PHAX: variants seen among roughly 807,000 people sequenced by gnomAD.
PHAX encodes phosphorylated adapter RNA export protein.
Under a neutral mutation model 41.6 loss-of-function variants are expected in PHAX, and 31 were observed. The ratio of observed to expected loss-of-function variants is 0.75; its 90% CI spans 0.56 to 1.01. The LOEUF (loss-of-function observed/expected upper bound fraction) is 1.01, where lower values mean the gene tolerates loss of function less well. Among genes scored for constraint, PHAX ranks in the 50% least tolerant of loss-of-function variants. PHAX has a pLI of 0.00. For missense variants in PHAX, 453 were observed against 472.9 expected (o/e 0.96, Z 0.39); for synonymous variants, 175 against 164.9 (o/e 1.06, Z -0.47).
At chr5:126,602,566 A>G (rs1389688389) in intron 1 of PHAX, among the ~76,000 whole-genome samples, 2 of 152,242 alleles carry the variant, frequency 1.3e-5, no homozygotes, top group African/African-American at 2.4e-5. Context: ...TAGGAGTTTA[A>G]CAAAGACAAA....
Position 126,617,324 on chromosome 5 carries a change from A to G in PHAX, c.906A>G (p.Glu302=), listed in dbSNP as rs758636231. Residue 302 remains glutamate (E), a synonymous_variant, in exon 4 of 5, where the codon GAA becomes GAG. Coordinates refer to ENST00000297540, the MANE Select transcript of PHAX (RefSeq NM_032177.4). ...LLKNTPSISE[E]QIKDIFYIEN... Reference sequence around the variant, plus strand: ...AAAACACTCCTAGTATCAGCGAGGAACAAATTAAGGTAATGATAATGTCCT... The same window carrying G: ...AAAACACTCCTAGTATCAGCGAGGAGCAAATTAAGGTAATGATAATGTCCT... 3.8e-6 allele frequency: 6 copies of G among 1,599,116 alleles called. No individual in the cohort carries two copies. In the South Asian group the frequency reaches 5.5e-5, roughly 15 times the overall value.
At position 126,625,235 on chromosome 5, in the gene PHAX, T is replaced by C. The variant is rs569741793; in HGVS notation, c.*391T>C. On this transcript the variant is annotated 3_prime_UTR_variant, in exon 5 of 5. Coordinates refer to ENST00000297540, the MANE Select transcript of PHAX (RefSeq NM_032177.4). ...AATCATAATGGGACATATAAATTAT[T>C]AAGCTGTTAGAAATGCATTCAAATT... 90 of 161,842 alleles carry C rather than the reference T, an allele frequency of 5.6e-4. No homozygotes were observed. The highest frequency in any genetic ancestry group is 2.0e-3 in the African/African-American group (84 of 41,800). 10.0% of individuals were successfully genotyped at this position (161,842 alleles called of 1,614,324 possible).
chr5:126,601,461 A>G (rs1751902292), intron 1 of PHAX, among the ~76,000 whole-genome samples: 1 of 152,128 alleles, frequency 6.6e-6, no homozygotes, highest in African/African-American at 2.4e-5. Context: ...CTAGGTAACC[A>G]TAAAGGGGCA....
chr5:126,620,430 C>T lies in PHAX; in HGVS notation c.915+3097C>T, dbSNP rs528149197. Among the ~76,000 whole-genome samples the T allele has an allele frequency of 7.9e-4, 121 of 152,296 alleles. 1 individual carries two copies. Among genetic ancestry groups the T allele is most frequent in the African/African-American group, 2.9e-3 (119 of 41,558 alleles). On this transcript the variant is annotated intron_variant, in intron 4 of 4. Coordinates refer to ENST00000297540, the MANE Select transcript of PHAX (RefSeq NM_032177.4). ...TGTAACATTTATTGATTTCCTCCCACTGGACCAAAGATTAATATTATATAA... is the reference window on the plus strand; with the variant it reads ...TGTAACATTTATTGATTTCCTCCCATTGGACCAAAGATTAATATTATATAA...
intron 3 of PHAX, among the ~76,000 whole-genome samples, chr5:126,616,995 A>G (rs771268218): frequency 1.3e-5 from 2 of 152,122 alleles, no homozygotes; most frequent in African/African-American, 2.4e-5. Context: ...CTTTGTTACC[A>G]TATAGATTTT....
intron 2 of PHAX, among the ~76,000 whole-genome samples, chr5:126,604,512 G>A (rs531359757): frequency 2.6e-5 from 4 of 151,968 alleles, no homozygotes; most frequent in East Asian, 1.9e-4. Context: ...GGATCCACCC[G>A]CCTTTGCCTC....
At chr5:126,615,472 A>C (rs1752169116) in intron 3 of PHAX, among the ~76,000 whole-genome samples, 1 of 148,204 alleles carries the variant, frequency 6.7e-6, no homozygotes, top group African/African-American at 2.5e-5. Flanking sequence ...GTTCTTTTCA[A>C]GGTCTATTTT....
At chr5:126,602,742 C>T (rs1188215620) in intron 1 of PHAX, among the ~76,000 whole-genome samples, 2 of 152,054 alleles carry the variant, frequency 1.3e-5, no homozygotes, top group Non-Finnish European at 2.9e-5. Flanking sequence ...CGGTGGCTCA[C>T]GCCTGTAATC....
chr5:126,606,165 G>GT (rs898400809), intron 2 of PHAX, among the ~76,000 whole-genome samples: 4 of 151,536 alleles, frequency 2.6e-5, no homozygotes, highest in African/African-American at 7.3e-5. Flanking sequence ...TTTTGTTTTT[G>GT]TTTTTTTGTG....
chr5:126,626,137 T>C lies in PHAX; in HGVS notation c.*1293T>C, dbSNP rs1357001518. 1 of 137,740 alleles carries C rather than the reference T, an allele frequency of 7.3e-6. No homozygotes were observed. Among genetic ancestry groups the C allele is most frequent in the African/African-American group, 3.1e-5 (1 of 32,064 alleles). The allele number at this position is 137,740 out of a possible 1,614,324, so 8.5% of individuals were successfully genotyped here. A position where few individuals can be genotyped will look rare whatever the true frequency, so the allele number is the denominator to read the frequency against. ...GCGCACACCTGCAATCCCAACACTT[T>C]GGGAGGCCAAGAGAGGAAGATTGCT... On this transcript the variant is annotated 3_prime_UTR_variant, in exon 5 of 5. Coordinates refer to ENST00000297540, the MANE Select transcript of PHAX (RefSeq NM_032177.4).
At chr5:126,615,383 G>T (rs1752167770) in intron 3 of PHAX, among the ~76,000 whole-genome samples, 2 of 152,030 alleles carry the variant, frequency 1.3e-5, no homozygotes, top group Non-Finnish European at 2.9e-5. Context: ...AAAAATTTGA[G>T]TTGTCCGACA....
chr5:126,604,190 A>T lies in PHAX; in HGVS notation c.710+7A>T. 1 of 1,519,412 alleles carries T rather than the reference A, an allele frequency of 6.6e-7. No individual in the cohort carries two copies. Among genetic ancestry groups the T allele is most frequent in the African/African-American group, 1.4e-5 (1 of 71,656 alleles). 94.1% of individuals were successfully genotyped at this position (1,519,412 alleles called of 1,614,324 possible). The stretch of plus-strand genomic sequence containing the variant: ...CTGATGAAATTTCATTCAGGTGAGC[A>T]TTTGAATTACAAATAAGTACTTGAC... On this transcript the variant is annotated splice_region_variant and intron_variant, in intron 2 of 4. Transcript: ENST00000297540.
At chr5:126,616,194 G>A (rs1752181861) in intron 3 of PHAX, among the ~76,000 whole-genome samples, 1 of 151,998 alleles carries the variant, frequency 6.6e-6, no homozygotes. Context: ...CTGGGTTCAA[G>A]TGATTCTCCT....
chr5:126,614,507 G>A (rs1752154320), intron 3 of PHAX, among the ~76,000 whole-genome samples: 1 of 152,040 alleles, frequency 6.6e-6, no homozygotes, highest in Admixed American at 6.6e-5. Flanking sequence ...GAGTATCAAG[G>A]GCTAAAGGGA....
chr5:126,607,737 A>G (rs1036086253), intron 2 of PHAX, among the ~76,000 whole-genome samples: 7 of 152,186 alleles, frequency 4.6e-5, no homozygotes, highest in African/African-American at 1.7e-4. Flanking sequence ...GAGCTTTGAC[A>G]CTGGAAGAAT....
At chr5:126,624,534 C>T (rs368496169) in intron 4 of PHAX, 41 bp from the exon 5 acceptor site, 42 of 1,447,674 alleles carry the variant, frequency 2.9e-5, no homozygotes, top group Non-Finnish European at 3.5e-5. Flanking sequence ...CCTTTAATAA[C>T]GTGGTAGTTC....
intron 3 of PHAX, among the ~76,000 whole-genome samples, chr5:126,613,532 G>C (rs1191941766): frequency 2.0e-5 from 3 of 152,020 alleles, no homozygotes; most frequent in Admixed American, 2.0e-4. Context: ...ACAAAAATTA[G>C]CTGTATGTTG....
chr5:126,602,290 G>C (rs577766286), intron 1 of PHAX, among the ~76,000 whole-genome samples: 1 of 152,250 alleles, frequency 6.6e-6, no homozygotes, highest in African/African-American at 2.4e-5. Context: ...TGACTGCCTT[G>C]GTAGGTAGCA....
chr5:126,624,190 G>C (rs189904452), intron 4 of PHAX, among the ~76,000 whole-genome samples: 157 of 151,478 alleles, frequency 1.0e-3, no homozygotes, highest in African/African-American at 3.6e-3. Flanking sequence ...TGTATTTTTA[G>C]GAGAGACAGG....
Sources: allele counts gnomAD v4.1 joint callset (sites outside exome capture counted in the v4.1 genomes callset), GRCh38; gene constraint gnomAD v4.1.1; transcripts MANE v1.5; gene names NCBI Gene and HGNC (gene_info 2026-07-23, HGNC 2026-07-21).